Variants in PSMD14 observed in about 807,000 individuals in gnomAD.
The protein encoded by PSMD14 is proteasome 26S subunit, non-ATPase 14, also known as ubiquitin C-terminal hydrolase PSMD14.
Under a neutral mutation model 41.2 loss-of-function variants are expected in PSMD14, and 7 were observed. The ratio of observed to expected loss-of-function variants is 0.17; its 90% CI spans 0.10 to 0.32. The LOEUF is 0.32. PSMD14 is among the 10% of genes least tolerant of loss of function. The probability of loss-of-function intolerance (pLI) is 1.00; values close to 1 mark genes in which losing one functional copy is unlikely to be tolerated. For missense variants in PSMD14, 139 were observed against 375.6 expected (o/e 0.37, Z 5.21); for synonymous variants, 114 against 122.3 (o/e 0.93, Z 0.45).
At chr2:161,349,483 G>A (rs1256019817) in intron 3 of PSMD14, among the ~76,000 whole-genome samples, 1 of 152,122 alleles carries the variant, frequency 6.6e-6, no homozygotes, top group Non-Finnish European at 1.5e-5. Flanking sequence ...TCTTTTTTGT[G>A]TGTGTTTGGT....
chr2:161,361,269 A>G (rs1273958105), intron 3 of PSMD14, among the ~76,000 whole-genome samples: 2 of 152,250 alleles, frequency 1.3e-5, no homozygotes, highest in African/African-American at 4.8e-5. Context: ...GTTCAATTCT[A>G]TGGTGATAAC....
chr2:161,343,004 A>G (rs528276729), intron 3 of PSMD14, among the ~76,000 whole-genome samples: 54 of 152,150 alleles, frequency 3.5e-4, no homozygotes, highest in Non-Finnish European at 6.3e-4. Context: ...TTTGTGCTAT[A>G]TGTTGAAAAT....
intron 8 of PSMD14, among the ~76,000 whole-genome samples, chr2:161,390,059 A>C (rs771835063): frequency 4.6e-5 from 7 of 150,972 alleles, no homozygotes; most frequent in Non-Finnish European, 7.4e-5. Context: ...GTCAAAATAC[A>C]AATTGAATTG....
chr2:161,404,026 C>T (rs1683917622), intron 10 of PSMD14, among the ~76,000 whole-genome samples: 1 of 151,854 alleles, frequency 6.6e-6, no homozygotes, highest in African/African-American at 2.4e-5. Context: ...TTGCCTCAGC[C>T]TCCTGAGTAG....
At chr2:161,311,262 T>C (rs1300102651) in intron 1 of PSMD14, among the ~76,000 whole-genome samples, 1 of 152,124 alleles carries the variant, frequency 6.6e-6, no homozygotes, top group Non-Finnish European at 1.5e-5. Flanking sequence ...TGAGCTGAGA[T>C]TGCGACACTA....
intron 3 of PSMD14, among the ~76,000 whole-genome samples, chr2:161,361,343 T>C (rs1307080559): frequency 6.6e-6 from 1 of 152,196 alleles, no homozygotes; most frequent in Non-Finnish European, 1.5e-5. Flanking sequence ...TCTCAAGATA[T>C]AGATAACCTG....
At chr2:161,329,179 A>G (rs1254065709) in intron 3 of PSMD14, among the ~76,000 whole-genome samples, 1 of 152,130 alleles carries the variant, frequency 6.6e-6, no homozygotes, top group Non-Finnish European at 1.5e-5. Context: ...ATTTTTAAAG[A>G]ACTTGGACAC....
At chr2:161,366,344 G>T (rs1357753403) in intron 3 of PSMD14, among the ~76,000 whole-genome samples, 2 of 151,166 alleles carry the variant, frequency 1.3e-5, no homozygotes, top group Non-Finnish European at 2.9e-5. Flanking sequence ...AATGCTTCCA[G>T]TAAATATATG....
intron 3 of PSMD14, among the ~76,000 whole-genome samples, chr2:161,365,248 A>G (rs922300560): frequency 2.0e-5 from 3 of 152,238 alleles, no homozygotes; most frequent in Admixed American, 6.5e-5. Flanking sequence ...AAGAAAGGCC[A>G]CTGACATGTG....
chr2:161,347,385 C>T (rs6755815), intron 3 of PSMD14, among the ~76,000 whole-genome samples: 127,906 of 152,130 alleles, frequency 0.84, 53,952 homozygotes, highest in African/African-American at 0.92. Flanking sequence ...CTCAAGGAAT[C>T]CTCCTGCTCC....
rs869245727 is a variant in PSMD14 at position 161,345,236 on chromosome 2, C to CTTT, written c.49-22220_49-22218dup. Reference sequence around the variant, plus strand: ...AATTCTGTTCTCTTGATCTCTGTGTCTTTTTTTTTTTTTTTTTTTTTTTTG... The same window carrying CTTT: ...AATTCTGTTCTCTTGATCTCTGTGTCTTTTTTTTTTTTTTTTTTTTTTTTTTTG... On this transcript the variant is annotated intron_variant, in intron 3 of 11. Coordinates refer to ENST00000409682, the MANE Select transcript of PSMD14 (RefSeq NM_005805.6). Among the ~76,000 whole-genome samples the CTTT allele has an allele frequency of 2.5e-3, 142 of 57,034 alleles. 3 individuals carry two copies. The highest frequency in any genetic ancestry group is 9.5e-3 in the African/African-American group (130 of 13,614). The allele number at this position is 57,034 out of a possible 152,430, so 37.4% of individuals were successfully genotyped here. A position where few individuals can be genotyped will look rare whatever the true frequency, so the allele number is the denominator to read the frequency against.
At chr2:161,362,298 C>A (rs1232639370) in intron 3 of PSMD14, among the ~76,000 whole-genome samples, 4 of 152,134 alleles carry the variant, frequency 2.6e-5, no homozygotes, top group Non-Finnish European at 5.9e-5. Flanking sequence ...TGTATTTTCC[C>A]CTACTATAAA....
At chr2:161,407,578 TA>T (rs1683964080) in intron 10 of PSMD14, 11 of 152,140 alleles carry the variant, frequency 7.2e-5, no homozygotes, top group Admixed American at 7.2e-4. Context: ...TTTACAAAAC[TA>T]TTAAGAAGGT....
At chr2:161,352,377 T>A (rs2105247857) in intron 3 of PSMD14, among the ~76,000 whole-genome samples, 1 of 152,356 alleles carries the variant, frequency 6.6e-6, no homozygotes, top group African/African-American at 2.4e-5. Flanking sequence ...TGGCTTACAT[T>A]CATTGCTTAT....
intron 3 of PSMD14, among the ~76,000 whole-genome samples, chr2:161,324,999 T>C (rs1045999009): frequency 1.9e-4 from 29 of 152,160 alleles, no homozygotes; most frequent in African/African-American, 6.8e-4. Context: ...AGGTCCATTA[T>C]TGAGAATGAC....
intron 3 of PSMD14, among the ~76,000 whole-genome samples, chr2:161,360,819 A>G (rs1253872325): frequency 6.6e-6 from 1 of 151,958 alleles, no homozygotes; most frequent in Non-Finnish European, 1.5e-5. Context: ...TACAGGCGTG[A>G]GCCACCACGC....
At chr2:161,346,731 T>A (rs901475695) in intron 3 of PSMD14, among the ~76,000 whole-genome samples, 2 of 151,890 alleles carry the variant, frequency 1.3e-5, no homozygotes, top group Non-Finnish European at 2.9e-5. Context: ...TTTTCTACTA[T>A]TGAGGCTAGA....
intron 3 of PSMD14, among the ~76,000 whole-genome samples, chr2:161,335,910 G>C (rs1682862883): frequency 6.6e-6 from 1 of 152,104 alleles, no homozygotes; most frequent in African/African-American, 2.4e-5. Context: ...CTTTGCCAGG[G>C]TTATGTTATT....
chr2:161,337,720 A>G (rs1682888850), intron 3 of PSMD14, among the ~76,000 whole-genome samples: 1 of 152,194 alleles, frequency 6.6e-6, no homozygotes, highest in African/African-American at 2.4e-5. Context: ...TATATTTTTC[A>G]AAGTGTATAA....
Sources: allele counts gnomAD v4.1 joint callset (sites outside exome capture counted in the v4.1 genomes callset), GRCh38; gene constraint gnomAD v4.1.1; transcripts MANE v1.5; gene names NCBI Gene and HGNC (gene_info 2026-07-23, HGNC 2026-07-21).